The following RAI2 variants were observed in gnomAD, a reference collection of about 807,000 sequenced individuals.
The protein encoded by RAI2 is retinoic acid-induced protein 2.
Under a neutral mutation model 15.3 loss-of-function variants are expected in RAI2, and 5 were observed. That is an observed-to-expected ratio of 0.33 (90% CI 0.17 to 0.69). The LOEUF (loss-of-function observed/expected upper bound fraction) is 0.69, where lower values mean the gene tolerates loss of function less well. Ranked by LOEUF, RAI2 falls within the 30% of genes least tolerant of loss-of-function variation. RAI2 has a pLI of 0.69. For synonymous variants in RAI2, 191 were observed against 184.0 expected, an observed-to-expected ratio of 1.04 and a Z score of -0.31; for missense variants, 424 against 424.7, an observed-to-expected ratio of 1.00 and a Z score of 0.01.
chrX:17,839,071 T>G (rs1481639807), intron 1 of RAI2, among the ~76,000 whole-genome samples: 1 of 111,980 alleles, frequency 8.9e-6, no homozygotes, highest in South Asian at 3.8e-4. Context: ...ACATCCCTCA[T>G]GGACAGGAAC....
At chrX:17,851,658 T>C (rs1460107767) in intron 1 of RAI2, among the ~76,000 whole-genome samples, 3 of 111,596 alleles carry the variant, frequency 2.7e-5, no homozygotes, top group Non-Finnish European at 5.6e-5. Context: ...CTGGTTTCTA[T>C]GACCCTTTCC....
At chrX:17,841,790 G>A (rs185809293) in intron 1 of RAI2, among the ~76,000 whole-genome samples, 68 of 112,216 alleles carry the variant, frequency 6.1e-4, no homozygotes, top group Non-Finnish European at 1.1e-3. Flanking sequence ...AAGCACGTGC[G>A]ATGGCAGTAG....
chrX:17,831,974 C>T (rs1341098237), intron 1 of RAI2, among the ~76,000 whole-genome samples: 1 of 111,851 alleles, frequency 8.9e-6, no homozygotes, highest in African/African-American at 3.3e-5. Flanking sequence ...GCACTCATTG[C>T]CTTATTGTCT....
intron 1 of RAI2, among the ~76,000 whole-genome samples, chrX:17,842,700 T>C (rs961697814): frequency 4.7e-5 from 5 of 106,470 alleles, no homozygotes; most frequent in African/African-American, 6.9e-5. Context: ...ACCAAAATGG[T>C]GATAGTGGCA....
At chrX:17,855,409 C>T (rs1168922689) in intron 1 of RAI2, among the ~76,000 whole-genome samples, 1 of 111,267 alleles carries the variant, frequency 9.0e-6, no homozygotes, top group African/African-American at 3.3e-5. Context: ...TGGGTGGGGT[C>T]GAGGAAAGGA....
chrX:17,840,918 A>G (rs1200601122), intron 1 of RAI2, among the ~76,000 whole-genome samples: 1 of 112,013 alleles, frequency 8.9e-6, no homozygotes, highest in African/African-American at 3.2e-5. Flanking sequence ...CTGGGTACCT[A>G]GGAAGATAAA....
At chrX:17,816,868 T>C (rs2067113716) in intron 1 of RAI2, among the ~76,000 whole-genome samples, 1 of 111,170 alleles carries the variant, frequency 9.0e-6, no homozygotes, top group African/African-American at 3.3e-5. Flanking sequence ...GAGTTGAAAG[T>C]GAGGGGCACC....
intron 1 of RAI2, among the ~76,000 whole-genome samples, chrX:17,815,535 T>C (rs753382020): frequency 3.1e-4 from 35 of 111,162 alleles, no homozygotes; most frequent in African/African-American, 1.1e-3. Context: ...CCTTGCCACA[T>C]GAGTAGGATT....
chrX:17,855,607 T>C (rs1012957403), intron 1 of RAI2, among the ~76,000 whole-genome samples: 1 of 111,723 alleles, frequency 9.0e-6, no homozygotes, highest in African/African-American at 3.3e-5. Context: ...GGCTACTGAC[T>C]CAGCCCCCTG....
chrX:17,825,648 G>A lies in RAI2; in HGVS notation c.-24-23614C>T, dbSNP rs1328285488. Among the ~76,000 whole-genome samples the A allele has an allele frequency of 1.2e-4, 14 of 112,390 alleles. No homozygotes were observed. The Admixed American group carries it at 1.3e-3, about 11-fold the overall frequency. Reference sequence around the variant, plus strand: ...TCCCACACTGGGAAATCATCAAGGGGGTTGATGGTGGGCAGGTAGTGATGT... The same window carrying A: ...TCCCACACTGGGAAATCATCAAGGGAGTTGATGGTGGGCAGGTAGTGATGT... On this transcript the variant is annotated intron_variant, in intron 1 of 1. Coordinates refer to ENST00000451717, the MANE Select transcript of RAI2 (RefSeq NM_021785.6).
At position 17,802,004 on chromosome X, in the gene RAI2, C is replaced by T. The variant is rs989599739; in HGVS notation, c.7G>A (p.Asp3Asn). The T allele has an allele frequency of 9.2e-6, 11 of 1,194,402 alleles. No homozygotes were observed. Among genetic ancestry groups the T allele is most frequent in the East Asian group, 8.9e-5 (3 of 33,531 alleles). Residue 3 changes from aspartate to asparagine, a missense_variant, in exon 2 of 2, where the codon GAC becomes AAC. By Grantham distance (23) the Asp-to-Asn change is conservative. Coordinates refer to ENST00000451717, the MANE Select transcript of RAI2 (RefSeq NM_021785.6). MDDLQSQNLSMDM... is the reference protein window; with the variant it reads MDNLQSQNLSMDM... ...ATGGAGAGGTTCTGGGACTGCAGGTCGTCCATCACTCAGCTCTGATGCCAC... is the reference window on the plus strand; with the variant it reads ...ATGGAGAGGTTCTGGGACTGCAGGTTGTCCATCACTCAGCTCTGATGCCAC...
rs1465678979 is a variant in RAI2, at chrX:17,801,847, G to C, written c.164C>G (p.Ala55Gly). 2.5e-6 allele frequency: 3 copies of C among 1,211,189 alleles called. No homozygotes were observed. The Admixed American group carries it at 6.5e-5, about 26-fold the overall frequency. ...LVKKALVTVP[A>G]PSILNPPAES... ...GGCAGGGGGGTTCAGAATGGATGGG[G>C]CTGGCACGGTCACCAGGGCCTTCTT... The change falls in exon 2 of 2, where the codon GCC (alanine) becomes GGC (glycine). Residue 55 changes from alanine to glycine, a missense_variant. Physicochemically the swap from Ala to Gly is moderately conservative, Grantham distance 60 (BLOSUM62 0). Coordinates refer to ENST00000451717, the MANE Select transcript of RAI2 (RefSeq NM_021785.6).
chrX:17,805,282 T>C (rs939989182), intron 1 of RAI2, among the ~76,000 whole-genome samples: 5 of 112,798 alleles, frequency 4.4e-5, no homozygotes, highest in Non-Finnish European at 7.5e-5. Context: ...TATGAGAGCA[T>C]CACATTTCTT....
chrX:17,809,175 G>GCC (rs2067013681), intron 1 of RAI2, among the ~76,000 whole-genome samples: 2 of 112,106 alleles, frequency 1.8e-5, no homozygotes, highest in African/African-American at 6.5e-5. Flanking sequence ...TACATCCAGA[G>GCC]GTCTACACAG....
intron 1 of RAI2, 147 bp downstream of exon 1, chrX:17,860,951 C>T (rs1017603177): frequency 9.5e-6 from 1 of 104,725 alleles, no homozygotes; most frequent in Non-Finnish European, 2.0e-5. Context: ...CTCCGGGCGC[C>T]GTCCTGCCCC....
intron 1 of RAI2, among the ~76,000 whole-genome samples, chrX:17,853,307 C>G (rs984372789): frequency 1.8e-5 from 2 of 111,778 alleles, no homozygotes; most frequent in Non-Finnish European, 3.8e-5. Context: ...CACTTCCAAC[C>G]GTTAATTAAT....
chrX:17,806,757 G>A (rs1275492336), intron 1 of RAI2, among the ~76,000 whole-genome samples: 2 of 111,171 alleles, frequency 1.8e-5, no homozygotes, highest in Non-Finnish European at 3.8e-5. Flanking sequence ...ATTGGCTCAC[G>A]GTTCTGTGGG....
At chrX:17,815,094 G>A (rs1389771741) in intron 1 of RAI2, among the ~76,000 whole-genome samples, 3 of 110,995 alleles carry the variant, frequency 2.7e-5, no homozygotes, top group Non-Finnish European at 5.7e-5. Flanking sequence ...GAATCTTAGG[G>A]TTGGTGAGGC....
At chrX:17,818,945 G>A (rs1056767246) in intron 1 of RAI2, among the ~76,000 whole-genome samples, 2 of 112,744 alleles carry the variant, frequency 1.8e-5, no homozygotes, top group African/African-American at 6.4e-5. Context: ...TCTGTGTGGC[G>A]TGCCACACCA....
Sources: allele counts gnomAD v4.1 joint callset (sites outside exome capture counted in the v4.1 genomes callset), GRCh38; gene constraint gnomAD v4.1.1; transcripts MANE v1.5; gene names NCBI Gene and HGNC (gene_info 2026-07-23, HGNC 2026-07-21).